Variants in WWP2 observed in about 807,000 individuals in gnomAD.
WWP2 encodes the protein NEDD4-like E3 ubiquitin-protein ligase WWP2.
WWP2 carries 57 observed loss-of-function variants against 121.0 expected under a neutral mutation model. The ratio of observed to expected loss-of-function variants is 0.47; its 90% CI spans 0.38 to 0.59. The LOEUF is 0.59. Ranked by LOEUF, WWP2 falls within the 20% of genes least tolerant of loss-of-function variation. The pLI, the probability that WWP2 is intolerant of heterozygous loss-of-function variation, is 0.00. For synonymous variants in WWP2, 449 were observed against 441.3 expected (o/e 1.02, Z -0.22); for missense variants, 962 against 1,158.9 (o/e 0.83, Z 2.47).
At chr16:69,784,288 C>T (rs1037333904) in intron 1 of WWP2, among the ~76,000 whole-genome samples, 11 of 151,808 alleles carry the variant, frequency 7.2e-5, no homozygotes, top group Non-Finnish European at 1.5e-4. Flanking sequence ...TTAGTAGAGA[C>T]GAGGTTTCAC....
At chr16:69,842,358 G>A (rs571096869) in intron 6 of WWP2, among the ~76,000 whole-genome samples, 6 of 151,918 alleles carry the variant, frequency 3.9e-5, no homozygotes, top group African/African-American at 1.2e-4. Flanking sequence ...GATTCAGGGG[G>A]TACATGTACA....
chr16:69,815,531 T>C (rs1444856511), intron 4 of WWP2, among the ~76,000 whole-genome samples: 1 of 150,362 alleles, frequency 6.7e-6, no homozygotes, highest in African/African-American at 2.4e-5. Flanking sequence ...ACGGTGCCTG[T>C]AATCTCAGCA....
At chr16:69,890,849 A>T (rs948224662) in intron 8 of WWP2, 2 of 152,034 alleles carry the variant, frequency 1.3e-5, no homozygotes. Context: ...CCCCTCCCTC[A>T]TCCTGCCAGA....
intron 10 of WWP2, among the ~76,000 whole-genome samples, chr16:69,919,616 G>A (rs965896296): frequency 6.6e-6 from 1 of 152,194 alleles, no homozygotes; most frequent in African/African-American, 2.4e-5. Flanking sequence ...TGAGCTGGAG[G>A]TGGGGAAGCC....
At chr16:69,925,000 G>A (rs951830649) in intron 10 of WWP2, 2 of 991,720 alleles carry the variant, frequency 2.0e-6, no homozygotes, top group African/African-American at 1.7e-5. Context: ...CCCCTCCTGC[G>A]TGTGGTTCTT....
At chr16:69,929,362 A>G in intron 11 of WWP2, 86 bp from the exon 12 acceptor site, 3 of 1,270,314 alleles carry the variant, frequency 2.4e-6, no homozygotes, top group South Asian at 1.3e-5. Context: ...ACTCAGACCC[A>G]GCACCCAGGA....
At chr16:69,768,673 C>T (rs963257947) in intron 1 of WWP2, among the ~76,000 whole-genome samples, 1 of 152,116 alleles carries the variant, frequency 6.6e-6, no homozygotes, top group Admixed American at 6.6e-5. Context: ...ACCTAGGGCC[C>T]GTCCTCTTCC....
At chr16:69,834,560 T>C (rs1382257535) in intron 4 of WWP2, among the ~76,000 whole-genome samples, 1 of 150,382 alleles carries the variant, frequency 6.6e-6, no homozygotes, top group Non-Finnish European at 1.5e-5. Flanking sequence ...GGAGTTTCGC[T>C]CTTGTTGCCC....
At chr16:69,923,948 G>A (rs1052749852) in intron 10 of WWP2, among the ~76,000 whole-genome samples, 1 of 151,282 alleles carries the variant, frequency 6.6e-6, no homozygotes, top group East Asian at 1.9e-4. Context: ...CTTGGAATTC[G>A]GGAGATTTTT....
chr16:69,890,121 A>ATTTTT (rs57520353), intron 8 of WWP2, among the ~76,000 whole-genome samples: 3 of 133,108 alleles, frequency 2.3e-5, no homozygotes, highest in Non-Finnish European at 4.9e-5. Flanking sequence ...TGCCTGGATA[A>ATTTTT]TTTTTTTTTT....
At chr16:69,821,153 G>C (rs566306959) in intron 4 of WWP2, among the ~76,000 whole-genome samples, 2 of 152,294 alleles carry the variant, frequency 1.3e-5, no homozygotes, top group South Asian at 4.1e-4. Flanking sequence ...TCTCTGAAAA[G>C]CCCTCTGTGT....
intron 10 of WWP2, among the ~76,000 whole-genome samples, chr16:69,921,735 C>G (rs2058565229): frequency 6.6e-6 from 1 of 152,184 alleles, no homozygotes; most frequent in African/African-American, 2.4e-5. Context: ...ACGGGACTAT[C>G]ACACGGCCGA....
chr16:69,905,912 A>G (rs2058283826), intron 8 of WWP2, among the ~76,000 whole-genome samples: 1 of 152,144 alleles, frequency 6.6e-6, no homozygotes, highest in South Asian at 2.1e-4. Context: ...CAGTTTCCTC[A>G]GTGGTGATGG....
chr16:69,866,292 T>C (rs914572940), intron 6 of WWP2, among the ~76,000 whole-genome samples: 1 of 149,984 alleles, frequency 6.7e-6, no homozygotes, highest in Non-Finnish European at 1.5e-5. Context: ...ATTTATTTAT[T>C]TATTTATTTA....
chr16:69,864,882 G>T (rs1183079227), intron 6 of WWP2, among the ~76,000 whole-genome samples: 2 of 152,014 alleles, frequency 1.3e-5, no homozygotes, highest in African/African-American at 4.8e-5. Context: ...AAAGTGTTGG[G>T]GTTACAGGCG....
intron 4 of WWP2, among the ~76,000 whole-genome samples, chr16:69,832,114 C>G (rs1597019589): frequency 6.6e-6 from 1 of 152,130 alleles, no homozygotes; most frequent in East Asian, 1.9e-4. Context: ...CAGGTGTGAG[C>G]CACTGCGCCC....
intron 4 of WWP2, among the ~76,000 whole-genome samples, chr16:69,807,530 G>A (rs1471203555): frequency 6.8e-6 from 1 of 146,604 alleles, no homozygotes; most frequent in African/African-American, 2.5e-5. Context: ...GAGTCGGGAG[G>A]ATTGCTTGAG....
chr16:69,874,649 A>T (rs2057703962), intron 7 of WWP2, among the ~76,000 whole-genome samples: 1 of 152,208 alleles, frequency 6.6e-6, no homozygotes, highest in Non-Finnish European at 1.5e-5. Context: ...GACGAATGGC[A>T]TAGCCCTTCA....
At chr16:69,874,673 G>GTA (rs533359282) in intron 7 of WWP2, among the ~76,000 whole-genome samples, 198 of 152,224 alleles carry the variant, frequency 1.3e-3, no homozygotes, top group Middle Eastern at 6.8e-3. Flanking sequence ...AGACTTGTAT[G>GTA]GGATGATTTA....
Sources: gnomAD v4.1 joint callset for allele counts (sites outside exome capture counted in the v4.1 genomes callset) on GRCh38, gnomAD v4.1.1 for gene constraint, MANE v1.5 for transcripts, NCBI Gene and HGNC (gene_info 2026-07-23, HGNC 2026-07-21) for gene names.